Variants in KAZN observed in about 807,000 individuals in gnomAD.
The protein encoded by KAZN is kazrin, periplakin interacting protein.
A neutral mutation model predicts 87.4 loss-of-function variants in KAZN; 40 were observed. The observed-to-expected ratio is 0.46, with a 90% CI of 0.36 to 0.60. KAZN has a LOEUF of 0.60. Among genes scored for constraint, KAZN ranks in the 20% least tolerant of loss-of-function variants. KAZN has a pLI of 0.00. For synonymous variants in KAZN, 466 were observed against 458.3 expected (o/e 1.02, Z -0.22); for missense variants, 898 against 1,073.9 (o/e 0.84, Z 2.29).
In KAZN at chr1:14,720,547, AC is replaced by A. The variant is rs576996735; in HGVS notation, c.226+121326del. Among the ~76,000 whole-genome samples, 409 of 152,170 alleles carry A rather than the reference AC, an allele frequency of 2.7e-3. 11 individuals carry two copies. The highest frequency in any genetic ancestry group is 5.7e-4 in the Non-Finnish European group (39 of 67,988). On this transcript the variant is annotated intron_variant, in intron 1 of 14. Transcript: ENST00000376030. ...TACTTCTGCTAGCTCGCTCTGACAA[AC>A]CATCTTCTGTCGCTGACCTTTCCTG...
At chr1:14,293,764 C>T (rs1185584833) in intron 2 of KAZN, among the ~76,000 whole-genome samples, 2 of 152,138 alleles carry the variant, frequency 1.3e-5, no homozygotes, top group African/African-American at 4.8e-5. Flanking sequence ...ACCCCTGCAA[C>T]AGCTGCTATT....
chr1:14,758,746 A>G (rs980939426), intron 1 of KAZN, among the ~76,000 whole-genome samples: 1 of 152,240 alleles, frequency 6.6e-6, no homozygotes, highest in African/African-American at 2.4e-5. Flanking sequence ...TTGTGCCTCC[A>G]TTCTTGGGAT....
At chr1:14,329,225 A>G (rs1656671002) in intron 2 of KAZN, among the ~76,000 whole-genome samples, 1 of 152,150 alleles carries the variant, frequency 6.6e-6, no homozygotes, top group South Asian at 2.1e-4. Context: ...CTGAGCTTGT[A>G]ACCTACTAGA....
At chr1:14,940,415 T>C (rs1572878716) in intron 1 of KAZN, among the ~76,000 whole-genome samples, 1 of 152,260 alleles carries the variant, frequency 6.6e-6, no homozygotes, top group South Asian at 2.1e-4. Context: ...TCTTACACAC[T>C]GAGTCTGTTT....
chr1:14,857,322 C>T (rs927966456), intron 1 of KAZN, among the ~76,000 whole-genome samples: 6 of 151,994 alleles, frequency 3.9e-5, no homozygotes, highest in African/African-American at 1.4e-4. Context: ...CTCAGGAGTT[C>T]GAGACCAGCC....
chr1:14,179,939 G>C (rs983025105), intron 1 of KAZN, among the ~76,000 whole-genome samples: 1 of 152,188 alleles, frequency 6.6e-6, no homozygotes, highest in Non-Finnish European at 1.5e-5. Context: ...ATGTGGCACT[G>C]ATTGGAAAAC....
intron 1 of KAZN, chr1:14,945,830 C>T (rs778938440): frequency 3.0e-4 from 298 of 981,632 alleles, no homozygotes; most frequent in Middle Eastern, 2.6e-3. Context: ...GGCAAGTGTC[C>T]GCTCCGGCCC....
chr1:14,266,081 T>A (rs1186347247), intron 2 of KAZN, among the ~76,000 whole-genome samples: 1 of 152,120 alleles, frequency 6.6e-6, no homozygotes, highest in Non-Finnish European at 1.5e-5. Context: ...GGAGGGTGAA[T>A]GAATGGATGA....
chr1:14,758,524 G>A (rs1209306573), intron 1 of KAZN, among the ~76,000 whole-genome samples: 2 of 151,808 alleles, frequency 1.3e-5, no homozygotes, highest in African/African-American at 4.8e-5. Flanking sequence ...TGTTGCCCAG[G>A]CAGGTCTTTA....
intron 2 of KAZN, among the ~76,000 whole-genome samples, chr1:14,192,221 C>T (rs1162828321): frequency 6.6e-6 from 1 of 152,118 alleles, no homozygotes; most frequent in Non-Finnish European, 1.5e-5. Flanking sequence ...CATTTCACTT[C>T]AACTAGATTG....
chr1:14,356,576 T>C lies in KAZN; in HGVS notation c.249+175984T>C, dbSNP rs901577975. Among the ~76,000 whole-genome samples the C allele has an allele frequency of 3.9e-5, 6 of 152,350 alleles. No individual in the cohort carries two copies. In the East Asian group the frequency reaches 1.2e-3, roughly 29 times the overall value. On this transcript the variant is annotated intron_variant, in intron 2 of 16. Coordinates refer to the KAZN transcript ENST00000636203. ...GGTTTTAGGTCTGACATTTAAGTCT[T>C]TAATCCATCTTGAGTTATTTTTTGT...
chr1:14,941,527 C>T (rs1037280394), intron 1 of KAZN, among the ~76,000 whole-genome samples: 4 of 149,312 alleles, frequency 2.7e-5, no homozygotes, highest in African/African-American at 9.9e-5. Context: ...ATCTTCTAGG[C>T]CAGGGCAGCC....
intron 1 of KAZN, among the ~76,000 whole-genome samples, chr1:14,958,116 C>T (rs59243784): frequency 6.6e-6 from 1 of 152,296 alleles, no homozygotes; most frequent in East Asian, 1.9e-4. Flanking sequence ...TGCTCCCTCC[C>T]CTGGACCTGG....
At chr1:14,469,045 A>G (rs1668310634) in intron 2 of KAZN, among the ~76,000 whole-genome samples, 1 of 152,112 alleles carries the variant, frequency 6.6e-6, no homozygotes, top group African/African-American at 2.4e-5. Context: ...ACCAATGTTG[A>G]AATCAGATTG....
chr1:14,367,497 A>C (rs1456974238), intron 2 of KAZN, among the ~76,000 whole-genome samples: 1 of 152,114 alleles, frequency 6.6e-6, no homozygotes, highest in Non-Finnish European at 1.5e-5. Context: ...GGTTTTGGAA[A>C]AGGCAACATT....
At chr1:14,766,660 C>T (rs535013433) in intron 1 of KAZN, among the ~76,000 whole-genome samples, 1 of 148,338 alleles carries the variant, frequency 6.7e-6, no homozygotes, top group Non-Finnish European at 1.5e-5. Flanking sequence ...TGCTGAGGGC[C>T]AGTCCTCCCC....
intron 2 of KAZN, among the ~76,000 whole-genome samples, chr1:14,423,741 A>C (rs1665559965): frequency 6.6e-6 from 1 of 152,110 alleles, no homozygotes; most frequent in African/African-American, 2.4e-5. Flanking sequence ...ACTTCCCTTA[A>C]AGACCTCACT....
chr1:14,919,467 G>A (rs1480238137), intron 1 of KAZN, among the ~76,000 whole-genome samples: 6 of 152,190 alleles, frequency 3.9e-5, no homozygotes, highest in Admixed American at 3.3e-4. Context: ...ATGAGCCACC[G>A]CGCCCCTCCC....
chr1:14,006,416 C>T (rs935188016), intron 1 of KAZN, among the ~76,000 whole-genome samples: 4 of 152,140 alleles, frequency 2.6e-5, no homozygotes, highest in Admixed American at 1.3e-4. Context: ...GGAGCAAGAG[C>T]GATGCCAAGC....
Sources: gnomAD v4.1 joint callset for allele counts (sites outside exome capture counted in the v4.1 genomes callset) on GRCh38, gnomAD v4.1.1 for gene constraint, MANE v1.5 for transcripts, NCBI Gene and HGNC (gene_info 2026-07-23, HGNC 2026-07-21) for gene names.